CADM1: variants seen among roughly 807,000 people sequenced by gnomAD.
CADM1 encodes the protein TSLC-1.
Under a neutral mutation model 53.1 loss-of-function variants are expected in CADM1, and 15 were observed. That is an observed-to-expected ratio of 0.28 (90% CI 0.19 to 0.44). The LOEUF (loss-of-function observed/expected upper bound fraction) is 0.44. Ranked by LOEUF, CADM1 falls within the 20% of genes least tolerant of loss-of-function variation. The probability of loss-of-function intolerance (pLI) is 1.00; values close to 1 mark genes in which losing one functional copy is unlikely to be tolerated. For synonymous variants in CADM1, 281 were observed against 243.0 expected (o/e 1.16, Z -1.45); for missense variants, 434 against 611.3 (o/e 0.71, Z 3.06).
intron 5 of CADM1, among the ~76,000 whole-genome samples, chr11:115,218,974 CG>C (rs1408477080): frequency 2.0e-5 from 3 of 150,782 alleles, no homozygotes; most frequent in African/African-American, 7.3e-5. Context: ...ATTAGGAGAT[CG>C]TTTTTTTCAG....
At chr11:115,179,319 T>C (rs45508098) in intron 10 of CADM1, among the ~76,000 whole-genome samples, 24,309 of 152,250 alleles carry the variant, frequency 0.16, 2,055 homozygotes, top group East Asian at 0.29. Flanking sequence ...GCTTGCTACA[T>C]TTAGGATGTA....
chr11:115,449,301 T>C (rs1948519689), intron 1 of CADM1, among the ~76,000 whole-genome samples: 1 of 152,210 alleles, frequency 6.6e-6, no homozygotes, highest in African/African-American at 2.4e-5. Flanking sequence ...CTGTGAGCAA[T>C]ACATTTTGCC....
intron 1 of CADM1, among the ~76,000 whole-genome samples, chr11:115,427,813 C>T (rs1037911314): frequency 6.6e-6 from 1 of 151,830 alleles, no homozygotes; most frequent in Non-Finnish European, 1.5e-5. Context: ...TAAAGACCAT[C>T]CTGGCTAACA....
At chr11:115,331,266 T>A (rs1486458633) in intron 1 of CADM1, among the ~76,000 whole-genome samples, 1 of 152,160 alleles carries the variant, frequency 6.6e-6, no homozygotes, top group African/African-American at 2.4e-5. Flanking sequence ...CAATCTCAAA[T>A]TAAACTTCTC....
chr11:115,446,706 C>T (rs117071748), intron 1 of CADM1, among the ~76,000 whole-genome samples: 1 of 152,208 alleles, frequency 6.6e-6, no homozygotes, highest in Non-Finnish European at 1.5e-5. Flanking sequence ...GTGAGATAAA[C>T]CTATGTAGCC....
At chr11:115,368,182 G>T (rs4451765) in intron 1 of CADM1, among the ~76,000 whole-genome samples, 143,666 of 143,666 alleles carry the variant, frequency 1, 71,833 homozygotes, top group Non-Finnish European at 1. Flanking sequence ...TTGTTTGGGG[G>T]ATAGCCGTTT....
At chr11:115,502,089 T>C (rs1949738561) in intron 1 of CADM1, among the ~76,000 whole-genome samples, 1 of 152,176 alleles carries the variant, frequency 6.6e-6, no homozygotes, top group Non-Finnish European at 1.5e-5. Flanking sequence ...AGCTTTGACA[T>C]GCACGGTTGA....
At chr11:115,281,649 T>C (rs1300522553) in intron 1 of CADM1, among the ~76,000 whole-genome samples, 4 of 152,084 alleles carry the variant, frequency 2.6e-5, no homozygotes, top group Non-Finnish European at 5.9e-5. Context: ...GAGTTTAAAA[T>C]GAGTCTGCTA....
At chr11:115,219,715 T>C (rs765117145) in intron 5 of CADM1, among the ~76,000 whole-genome samples, 3 of 152,168 alleles carry the variant, frequency 2.0e-5, no homozygotes, top group Non-Finnish European at 1.5e-5. Flanking sequence ...GCTCAAGAGC[T>C]CCTGGGCACC....
intron 1 of CADM1, among the ~76,000 whole-genome samples, chr11:115,272,805 C>G (rs946903673): frequency 6.7e-6 from 1 of 150,296 alleles, no homozygotes; most frequent in African/African-American, 2.4e-5. Context: ...TGCTAGATGA[C>G]GAGTTAGTGG....
intron 1 of CADM1, among the ~76,000 whole-genome samples, chr11:115,320,976 C>T (rs943932713): frequency 4.6e-5 from 7 of 152,152 alleles, no homozygotes; most frequent in Admixed American, 2.0e-4. Flanking sequence ...GCAACCATTG[C>T]TATATTTTGT....
intron 1 of CADM1, among the ~76,000 whole-genome samples, chr11:115,258,850 T>C (rs188958049): frequency 1.9e-3 from 287 of 152,194 alleles, no homozygotes; most frequent in Non-Finnish European, 3.2e-3. Flanking sequence ...TAGGGGAAAA[T>C]GAAGATAAGA....
intron 1 of CADM1, among the ~76,000 whole-genome samples, chr11:115,329,587 A>AG (rs770503174): frequency 6.6e-6 from 1 of 152,044 alleles, no homozygotes; most frequent in African/African-American, 2.4e-5. Context: ...AGTAGCGTCT[A>AG]GGGCTGGGTG....
chr11:115,336,999 A>C (rs894389586), intron 1 of CADM1, among the ~76,000 whole-genome samples: 9 of 152,202 alleles, frequency 5.9e-5, no homozygotes, highest in Non-Finnish European at 7.3e-5. Context: ...TGCCATCTTC[A>C]AATTAACCTT....
intron 1 of CADM1, among the ~76,000 whole-genome samples, chr11:115,401,715 G>T (rs1329533597): frequency 6.6e-6 from 1 of 152,178 alleles, no homozygotes; most frequent in Non-Finnish European, 1.5e-5. Flanking sequence ...ACTGTATAAT[G>T]ATGAATATGT....
intron 1 of CADM1, among the ~76,000 whole-genome samples, chr11:115,493,905 T>C (rs190068098): frequency 7.1e-4 from 108 of 152,266 alleles, no homozygotes; most frequent in Non-Finnish European, 1.3e-3. Context: ...TAAAAGAGAC[T>C]AGAGACCATA....
At chr11:115,299,758 C>A (rs1944171156) in intron 1 of CADM1, among the ~76,000 whole-genome samples, 1 of 152,170 alleles carries the variant, frequency 6.6e-6, no homozygotes, top group East Asian at 1.9e-4. Flanking sequence ...ACATTGTAAT[C>A]AGTCTCTTTG....
chr11:115,455,116 A>ACATT (rs1416252537), intron 1 of CADM1, among the ~76,000 whole-genome samples: 2 of 152,208 alleles, frequency 1.3e-5, no homozygotes, highest in African/African-American at 4.8e-5. Flanking sequence ...TTTATCAGAT[A>ACATT]CATTCTTTTC....
At chr11:115,318,203 A>G (rs1944725377) in intron 1 of CADM1, among the ~76,000 whole-genome samples, 1 of 152,176 alleles carries the variant, frequency 6.6e-6, no homozygotes, top group Non-Finnish European at 1.5e-5. Context: ...AAATGCATCA[A>G]TTCCCTTCCA....
Sources: gnomAD v4.1 joint callset for allele counts (sites outside exome capture counted in the v4.1 genomes callset) on GRCh38, gnomAD v4.1.1 for gene constraint, MANE v1.5 for transcripts, NCBI Gene and HGNC (gene_info 2026-07-23, HGNC 2026-07-21) for gene names.